Variants in CD96 observed in about 807,000 individuals in gnomAD.
CD96 encodes T-cell surface protein tactile.
CD96 carries 70 observed loss-of-function variants against 71.3 expected under a neutral mutation model. The ratio of observed to expected loss-of-function variants is 0.98; its 90% CI spans 0.81 to 1.20. The LOEUF (loss-of-function observed/expected upper bound fraction) is 1.20, where lower values mean the gene tolerates loss of function less well. CD96 is among the 50% of genes most tolerant of loss of function. CD96 has a pLI of 0.00. For missense variants in CD96, 742 were observed against 677.5 expected, an observed-to-expected ratio of 1.10 and a Z score of -1.06; for synonymous variants, 248 against 233.0, an observed-to-expected ratio of 1.06 and a Z score of -0.59.
intron 1 of CD96, among the ~76,000 whole-genome samples, chr3:111,544,218 C>T (rs956723940): frequency 2.0e-5 from 3 of 152,114 alleles, no homozygotes; most frequent in African/African-American, 7.2e-5. Flanking sequence ...GATTTCGGCT[C>T]ACTGTAATCT....
At chr3:111,647,291 TA>T (rs1939875257) in intron 12 of CD96, among the ~76,000 whole-genome samples, 2 of 151,870 alleles carry the variant, frequency 1.3e-5, no homozygotes, top group African/African-American at 4.8e-5. Flanking sequence ...CCAACTGTAA[TA>T]AAAAGGGTAT....
chr3:111,640,847 C>T (rs1045146091), intron 12 of CD96, among the ~76,000 whole-genome samples: 22 of 152,158 alleles, frequency 1.4e-4, no homozygotes, highest in African/African-American at 5.3e-4. Context: ...CCTCCTCAAA[C>T]AAAAGAATTT....
At chr3:111,574,419 G>T (rs1314140051) in intron 3 of CD96, among the ~76,000 whole-genome samples, 1 of 152,152 alleles carries the variant, frequency 6.6e-6, no homozygotes, top group Non-Finnish European at 1.5e-5. Context: ...AAACATCTGA[G>T]CCTGAAACAT....
At chr3:111,640,113 T>A (rs1939523226) in intron 12 of CD96, among the ~76,000 whole-genome samples, 1 of 152,070 alleles carries the variant, frequency 6.6e-6, no homozygotes, top group African/African-American at 2.4e-5. Flanking sequence ...TCACCAGCAA[T>A]GGATCCAAAC....
chr3:111,587,358 G>A (rs1331288242), intron 5 of CD96, among the ~76,000 whole-genome samples: 1 of 151,984 alleles, frequency 6.6e-6, no homozygotes, highest in Non-Finnish European at 1.5e-5. Flanking sequence ...CTGAAGGATG[G>A]TAGTCCTCTT....
rs1451563880 is a variant in CD96 at position 111,635,377 on chromosome 3, AAAGT to A, written c.1322-1818_1322-1815del. On this transcript the variant is annotated intron_variant, in intron 10 of 13. Coordinates refer to ENST00000352690, the MANE Select transcript of CD96 (RefSeq NM_005816.5). ...TAGAAAAATAACTCCCTACTTTTCC[AAAGT>A]GGCTTATGTTTTTTAATTTTTTAAT... is the stretch of plus-strand genomic sequence containing the variant. Among the ~76,000 whole-genome samples, 4 of 152,368 alleles carry A rather than the reference AAAGT, an allele frequency of 2.6e-5. No individual in the cohort carries two copies. In the East Asian group the frequency reaches 7.7e-4, roughly 29 times the overall value.
intron 14 of CD96, among the ~76,000 whole-genome samples, chr3:111,657,943 T>C (rs976120481): frequency 2.6e-5 from 4 of 152,208 alleles, no homozygotes; most frequent in Non-Finnish European, 5.9e-5. Context: ...TGTTTTGCAT[T>C]GCAAATATGT....
rs1032274201 is a variant in CD96, at chr3:111,571,042, G to A, written c.543+3395G>A. ...TTTGGGGTCAGCGGCTTGTAGGAGG[G>A]AGGTCCCTCCAGGCTGTGGGGTAGG... On this transcript the variant is annotated intron_variant, in intron 3 of 13. Coordinates refer to ENST00000352690, the MANE Select transcript of CD96 (RefSeq NM_005816.5). The A allele has an allele frequency of 4.6e-5, 56 of 1,224,582 alleles. No individual in the cohort carries two copies. The African/African-American group carries it at 7.5e-4, about 16-fold the overall frequency. 75.9% of individuals were successfully genotyped at this position (1,224,582 alleles called of 1,614,324 possible).
chr3:111,611,751 C>T (rs939468398), intron 8 of CD96, among the ~76,000 whole-genome samples: 4 of 152,120 alleles, frequency 2.6e-5, no homozygotes, highest in Non-Finnish European at 1.5e-5. Flanking sequence ...TCTTCACATT[C>T]GCATCATAAG....
chr3:111,638,569 G>C (rs568645300), intron 12 of CD96, among the ~76,000 whole-genome samples: 1 of 152,312 alleles, frequency 6.6e-6, no homozygotes, highest in East Asian at 1.9e-4. Flanking sequence ...TTGGAACAAA[G>C]AGTACTCCTA....
intron 2 of CD96, among the ~76,000 whole-genome samples, chr3:111,562,694 A>G (rs1935512647): frequency 6.6e-6 from 1 of 152,234 alleles, no homozygotes; most frequent in Admixed American, 6.5e-5. Flanking sequence ...TTTGTGTGTC[A>G]ATCAGGGAGT....
At chr3:111,553,758 CGTAA>C (rs1934847665) in intron 2 of CD96, among the ~76,000 whole-genome samples, 2 of 151,682 alleles carry the variant, frequency 1.3e-5, no homozygotes, top group African/African-American at 4.8e-5. Flanking sequence ...GAAAGTGACC[CGTAA>C]GTATTTTATG....
intron 6 of CD96, among the ~76,000 whole-genome samples, chr3:111,598,581 A>G (rs995994623): frequency 6.6e-6 from 1 of 152,206 alleles, no homozygotes; most frequent in African/African-American, 2.4e-5. Context: ...TCTTATTTCA[A>G]TACAATATGT....
Position 111,600,690 on chromosome 3 carries a change from T to A in CD96, c.899-36T>A, listed in dbSNP as rs768618597. 9.7e-6 allele frequency: 14 copies of A among 1,440,208 alleles called. No individual in the cohort carries two copies. The Admixed American group carries it at 2.2e-4, about 22-fold the overall frequency. The allele number at this position is 1,440,208 out of a possible 1,614,324, so 89.2% of individuals were successfully genotyped here. The stretch of plus-strand genomic sequence containing the variant: ...ATTATTGTATGGCTCATACATAAAA[T>A]GTTAGTGTTGAACCATGTTCGTATC... On this transcript the variant is annotated intron_variant, in intron 6 of 13. Transcript: ENST00000352690.
chr3:111,577,361 T>C, intron 3 of CD96: 2 of 756,840 alleles, frequency 2.6e-6, no homozygotes, highest in Non-Finnish European at 2.4e-6. Flanking sequence ...TTCTTAATTA[T>C]TGACCTCCAG....
At position 111,650,083 on chromosome 3, in the gene CD96, T is replaced by TA. The variant is rs144782299; in HGVS notation, c.*286dup. 223 of 385,086 alleles carry TA rather than the reference T, an allele frequency of 5.8e-4. No individual in the cohort carries two copies. The highest frequency in any genetic ancestry group is 8.1e-4 in the Middle Eastern group (1 of 1,232). The allele number at this position is 385,086 out of a possible 1,614,324, so 23.9% of individuals were successfully genotyped here. On this transcript the variant is annotated 3_prime_UTR_variant, in exon 14 of 14. Transcript: ENST00000352690. ...GAAGTACATATTAGTCTGCCATCTT[T>TA]AAAAAAAAATACAGTATTTTCATTT...
intron 12 of CD96, among the ~76,000 whole-genome samples, chr3:111,639,790 GGTTCATA>G (rs1387321784): frequency 6.6e-6 from 1 of 152,124 alleles, no homozygotes; most frequent in Non-Finnish European, 1.5e-5. Flanking sequence ...ACCCATAGAT[GGTTCATA>G]TCACAGGACT....
intron 3 of CD96, chr3:111,577,395 C>T (rs1936266805): frequency 1.1e-5 from 9 of 814,048 alleles, no homozygotes; most frequent in African/African-American, 3.4e-5. Context: ...GAGTGACATG[C>T]TCTCCACTTT....
intron 2 of CD96, 111 bp downstream of exon 2, chr3:111,545,513 G>A: frequency 2.6e-6 from 2 of 755,756 alleles, no homozygotes; most frequent in South Asian, 2.9e-5. Flanking sequence ...CAAAGGTTGA[G>A]CAGAAAGAGC....
Sources: gnomAD v4.1 joint callset for allele counts (sites outside exome capture counted in the v4.1 genomes callset) on GRCh38, gnomAD v4.1.1 for gene constraint, MANE v1.5 for transcripts, NCBI Gene and HGNC (gene_info 2026-07-23, HGNC 2026-07-21) for gene names.